Variants in PTCHD4 observed in about 807,000 individuals in gnomAD.
PTCHD4 encodes the protein patched domain-containing protein 4.
In PTCHD4, 33 loss-of-function variants were observed where a neutral mutation model predicts 58.1. The ratio of observed to expected loss-of-function variants is 0.57; its 90% CI spans 0.43 to 0.76. PTCHD4 has a LOEUF of 0.76. Among genes scored for constraint, PTCHD4 ranks in the 30% least tolerant of loss-of-function variants. PTCHD4 has a pLI of 0.00. For missense variants in PTCHD4, 1,058 were observed against 1,027.1 expected (o/e 1.03, Z -0.41); for synonymous variants, 478 against 409.6 (o/e 1.17, Z -2.02).
intron 4 of PTCHD4, among the ~76,000 whole-genome samples, chr6:47,883,862 T>C (rs1342802124): frequency 6.6e-6 from 1 of 152,154 alleles, no homozygotes; most frequent in Non-Finnish European, 1.5e-5. Flanking sequence ...TTGAAAATTA[T>C]TGGTTTAGTC....
In PTCHD4 at chr6:47,901,342, CAG is replaced by C. The variant is rs549496318; in HGVS notation, c.899-21408_899-21407del. 117 of 647,468 alleles carry C rather than the reference CAG, an allele frequency of 1.8e-4. No homozygotes were observed. The African/African-American group carries it at 2.2e-3, about 12-fold the overall frequency. The allele number at this position is 647,468 out of a possible 1,614,324, so 40.1% of individuals were successfully genotyped here. A position where few individuals can be genotyped will look rare whatever the true frequency, so the allele number is the denominator to read the frequency against. On this transcript the variant is annotated intron_variant, in intron 4 of 4. Coordinates refer to ENST00000339488, the MANE Select transcript of PTCHD4 (RefSeq NM_001384253.1). ...TGATGTTTTTGTCTGGTTTTAGTAT[CAG>C]GGTAATATTTATCTCATAGAATTAT...
intron 1 of PTCHD4, among the ~76,000 whole-genome samples, chr6:48,110,706 A>G (rs1765853239): frequency 1.3e-5 from 2 of 150,328 alleles, no homozygotes; most frequent in Non-Finnish European, 3.0e-5. Context: ...TAATAGGTAG[A>G]TGGATTTATT....
intron 3 of PTCHD4, among the ~76,000 whole-genome samples, chr6:48,016,288 C>T (rs573714484): frequency 3.3e-5 from 5 of 152,012 alleles, no homozygotes; most frequent in Admixed American, 2.0e-4. Flanking sequence ...TCAGTAAAGG[C>T]CATGAAAGCC....
At chr6:47,943,524 A>G (rs928031602) in intron 4 of PTCHD4, among the ~76,000 whole-genome samples, 24 of 152,244 alleles carry the variant, frequency 1.6e-4, no homozygotes, top group African/African-American at 4.8e-4. Flanking sequence ...TTATCAAGCA[A>G]GAGTCAATTA....
chr6:48,025,282 T>C (rs1016448209), intron 3 of PTCHD4, among the ~76,000 whole-genome samples: 3 of 152,006 alleles, frequency 2.0e-5, no homozygotes, highest in African/African-American at 7.2e-5. Flanking sequence ...CAAGAAAAAA[T>C]ACACAGTGGG....
At chr6:47,893,730 CTATTACTGAGTAA>C (rs1764447936) in intron 4 of PTCHD4, among the ~76,000 whole-genome samples, 1 of 152,174 alleles carries the variant, frequency 6.6e-6, no homozygotes, top group Non-Finnish European at 1.5e-5. Context: ...TAAATGTTAA[CTATTACTGAGTAA>C]TATTATATAG....
At chr6:47,897,620 G>T (rs1170688768) in intron 4 of PTCHD4, among the ~76,000 whole-genome samples, 1 of 152,170 alleles carries the variant, frequency 6.6e-6, no homozygotes, top group Non-Finnish European at 1.5e-5. Flanking sequence ...TTTGTTAGGT[G>T]GAGATTCCTA....
At position 47,876,424 on chromosome 6, in the gene PTCHD4, T is replaced by G. The variant is rs1342936689; in HGVS notation, c.*1879A>C. Among the ~76,000 whole-genome samples, 1 of 151,882 alleles carries G rather than the reference T, an allele frequency of 6.6e-6. No homozygotes were observed. Among genetic ancestry groups the G allele is most frequent in the Non-Finnish European group, 1.5e-5 (1 of 67,926 alleles). ...TAATAAATGAAATATTACTTAAATG[T>G]TTTCATTTTAGGGTCTGTTCCCTTT... On this transcript the variant is annotated 3_prime_UTR_variant, in exon 5 of 5. Transcript: ENST00000339488.
At chr6:48,109,786 T>A (rs556122024) in intron 1 of PTCHD4, among the ~76,000 whole-genome samples, 1 of 152,234 alleles carries the variant, frequency 6.6e-6, no homozygotes, top group Admixed American at 6.5e-5. Flanking sequence ...ATAGGCTTTT[T>A]TTCCAAAGAA....
intron 3 of PTCHD4, among the ~76,000 whole-genome samples, chr6:48,051,085 CA>C (rs1764218458): frequency 6.6e-6 from 1 of 151,916 alleles, no homozygotes; most frequent in Non-Finnish European, 1.5e-5. Flanking sequence ...AACAACCTTT[CA>C]ATCAGTAAAC....
chr6:48,079,550 T>C (rs1765123961), intron 1 of PTCHD4, among the ~76,000 whole-genome samples: 1 of 151,072 alleles, frequency 6.6e-6, no homozygotes, highest in Non-Finnish European at 1.5e-5. Context: ...CCTGGCCAAG[T>C]AGGGCAGAGG....
At position 48,008,922 on chromosome 6, in the gene PTCHD4, C is replaced by T. The variant is rs1484037883; in HGVS notation, c.610G>A (p.Glu204Lys). 5.0e-6 allele frequency: 8 copies of T among 1,613,802 alleles called. No homozygotes were observed. In the African/African-American group the frequency reaches 1.1e-4, roughly 22 times the overall value. The change falls in exon 4 of 5, where the codon GAG becomes AAG. Residue 204 changes from glutamate to lysine, a missense_variant. By Grantham distance (56) the Glu-to-Lys change is moderately conservative. Transcript: ENST00000339488. ...TAGAGCTGGAGTTCTTGATGCTCCT[C>T]CTGGAGCTTCCTTATAAGCTTACAG... is the stretch of plus-strand genomic sequence containing the variant. ...EFCKLIRKLQ[E>K]EHQELQLYSL... is the part of the protein sequence containing the mutation.
chr6:48,062,567 G>A (rs944971152), intron 3 of PTCHD4, among the ~76,000 whole-genome samples: 2 of 152,030 alleles, frequency 1.3e-5, no homozygotes, highest in Non-Finnish European at 2.9e-5. Context: ...TGGTTTTAAG[G>A]CCTTGCTGAA....
intron 3 of PTCHD4, among the ~76,000 whole-genome samples, chr6:48,059,557 T>G (rs1197966708): frequency 6.6e-6 from 1 of 151,986 alleles, no homozygotes; most frequent in African/African-American, 2.4e-5. Flanking sequence ...GAGAATCACT[T>G]GAACCCGGGA....
At chr6:48,032,846 C>A (rs1177963358) in intron 3 of PTCHD4, among the ~76,000 whole-genome samples, 3 of 152,226 alleles carry the variant, frequency 2.0e-5, no homozygotes, top group African/African-American at 7.2e-5. Flanking sequence ...ACTCCAATGA[C>A]ATTTGTCATT....
chr6:48,107,527 G>A (rs1765758236), intron 1 of PTCHD4, among the ~76,000 whole-genome samples: 2 of 152,032 alleles, frequency 1.3e-5, no homozygotes, highest in Non-Finnish European at 2.9e-5. Context: ...TACCATTCAG[G>A]ACATAGGCAT....
chr6:48,006,831 A>G (rs1429325862), intron 4 of PTCHD4, among the ~76,000 whole-genome samples: 2 of 152,242 alleles, frequency 1.3e-5, no homozygotes, highest in Admixed American at 1.3e-4. Context: ...ATATTTACTT[A>G]GCATTTACTA....
intron 3 of PTCHD4, among the ~76,000 whole-genome samples, chr6:48,010,652 G>C (rs1762633397): frequency 6.6e-6 from 1 of 151,926 alleles, no homozygotes; most frequent in Non-Finnish European, 1.5e-5. Flanking sequence ...AGAACGTGCA[G>C]GTTTGTTACA....
At chr6:48,005,500 G>T (rs143255687) in intron 4 of PTCHD4, among the ~76,000 whole-genome samples, 1 of 152,086 alleles carries the variant, frequency 6.6e-6, no homozygotes, top group African/African-American at 2.4e-5. Flanking sequence ...AACCATTATC[G>T]TGTATACCAC....
Sources: allele counts gnomAD v4.1 joint callset (sites outside exome capture counted in the v4.1 genomes callset), GRCh38; gene constraint gnomAD v4.1.1; transcripts MANE v1.5; gene names NCBI Gene and HGNC (gene_info 2026-07-23, HGNC 2026-07-21).